Variants in SLC5A4 observed in about 807,000 individuals in gnomAD.
SLC5A4 encodes the protein probable glucose sensor protein SLC5A4.
A neutral mutation model predicts 70.3 loss-of-function variants in SLC5A4; 55 were observed. The ratio of observed to expected loss-of-function variants is 0.78; its 90% CI spans 0.63 to 0.98. The LOEUF (loss-of-function observed/expected upper bound fraction) is 0.98, where lower values mean the gene tolerates loss of function less well. Ranked by LOEUF, SLC5A4 falls within the 50% of genes least tolerant of loss-of-function variation. The probability of loss-of-function intolerance (pLI) is 0.00; values close to 1 mark genes in which losing one functional copy is unlikely to be tolerated. For synonymous variants in SLC5A4, 268 were observed against 305.7 expected, an observed-to-expected ratio of 0.88 and a Z score of 1.29; for missense variants, 735 against 839.2, an observed-to-expected ratio of 0.88 and a Z score of 1.53.
At chr22:32,344,336 C>T in the SLC5A4 span, among the ~76,000 whole-genome samples, 33 of 152,250 alleles carry the variant, frequency 2.2e-4, no homozygotes, top group Admixed American at 2.6e-4. Context: ...AGAATACATA[C>T]GCACATATAC....
At chr22:32,328,710 C>G in the SLC5A4 span, among the ~76,000 whole-genome samples, 7,878 of 152,298 alleles carry the variant, frequency 0.052, 339 homozygotes, top group African/African-American at 0.12. Context: ...TTACACCTTT[C>G]TGACTCACAG....
At chr22:32,248,909 C>T (rs1208178614) in intron 3 of SLC5A4, 107 bp from the exon 4 acceptor site, 16 of 732,716 alleles carry the variant, frequency 2.2e-5, no homozygotes, top group Non-Finnish European at 3.9e-5. Context: ...AAAGTTGGCT[C>T]AATCCTGTCC....
At chr22:32,301,398 TCTGC>T in the SLC5A4 span, among the ~76,000 whole-genome samples, 8 of 152,232 alleles carry the variant, frequency 5.3e-5, no homozygotes, top group Non-Finnish European at 1.0e-4. Context: ...TTAATATGCA[TCTGC>T]CTAATGATTA....
the SLC5A4 span, among the ~76,000 whole-genome samples, chr22:32,287,434 C>T: frequency 6.6e-6 from 1 of 151,160 alleles, no homozygotes; most frequent in Non-Finnish European, 1.5e-5. Flanking sequence ...AGAATTGTTA[C>T]CCCTACCTGT....
chr22:32,331,258 T>C, the SLC5A4 span, among the ~76,000 whole-genome samples: 1 of 151,456 alleles, frequency 6.6e-6, no homozygotes, highest in African/African-American at 2.4e-5. Flanking sequence ...CAAGGCACAT[T>C]GTAGGTGCTC....
chr22:32,353,786 C>T, the SLC5A4 span, among the ~76,000 whole-genome samples: 1 of 149,714 alleles, frequency 6.7e-6, no homozygotes, highest in Non-Finnish European at 1.5e-5. Flanking sequence ...GCCCCCAATC[C>T]GCTCCCTGCC....
the SLC5A4 span, among the ~76,000 whole-genome samples, chr22:32,319,043 C>T: frequency 6.6e-6 from 1 of 152,296 alleles, no homozygotes; most frequent in East Asian, 1.9e-4. Context: ...CTGCTGGAGA[C>T]CTAAACAGAA....
the SLC5A4 span, among the ~76,000 whole-genome samples, chr22:32,306,960 T>C: frequency 6.6e-6 from 1 of 152,196 alleles, no homozygotes; most frequent in Admixed American, 6.5e-5. Context: ...AGGGTGGCCA[T>C]GTCATCCATA....
the SLC5A4 span, chr22:32,270,629 C>T: frequency 1.4e-6 from 1 of 733,230 alleles, no homozygotes; most frequent in Non-Finnish European, 2.6e-6. Flanking sequence ...ACGGTCTTTG[C>T]CGAAAACATC....
the SLC5A4 span, chr22:32,271,678 G>C: frequency 1.7e-6 from 1 of 586,550 alleles, no homozygotes; most frequent in Non-Finnish European, 3.2e-6. Flanking sequence ...ACTGAGGGGT[G>C]CTGCGGCTGC....
chr22:32,224,055 G>C, intron 13 of SLC5A4, among the ~76,000 whole-genome samples: 1 of 152,018 alleles, frequency 6.6e-6, no homozygotes, highest in Non-Finnish European at 1.5e-5. Context: ...CGAGCAGCTG[G>C]GATTACAGGT....
In SLC5A4 at chr22:32,225,641, C is replaced by T. The variant is rs1925349353; in HGVS notation, c.1449+14G>A. On this transcript the variant is annotated intron_variant, in intron 12 of 14. Transcript: ENST00000266086. Reference sequence around the variant, plus strand: ...CACTCCAGCAGGGAAACTTTTTTTCCAGTTTTCACTCACCTGTTCATTGAC... The same window carrying T: ...CACTCCAGCAGGGAAACTTTTTTTCTAGTTTTCACTCACCTGTTCATTGAC... 1.3e-6 allele frequency: 2 copies of T among 1,562,330 alleles called. No individual in the cohort carries two copies. The highest frequency in any genetic ancestry group is 2.3e-5 in the East Asian group (1 of 43,734).
At chr22:32,221,704 G>C (rs1325198497) in intron 13 of SLC5A4, among the ~76,000 whole-genome samples, 2 of 151,994 alleles carry the variant, frequency 1.3e-5, no homozygotes, top group Non-Finnish European at 2.9e-5. Flanking sequence ...TCAGCCCTGG[G>C]TCATTCTAAG....
At chr22:32,326,857 G>A in the SLC5A4 span, among the ~76,000 whole-genome samples, 2 of 152,178 alleles carry the variant, frequency 1.3e-5, no homozygotes, top group Non-Finnish European at 2.9e-5. Flanking sequence ...GTGGCCACGG[G>A]AGCAGAGGTC....
the SLC5A4 span, among the ~76,000 whole-genome samples, chr22:32,353,538 C>A: frequency 6.8e-6 from 1 of 147,934 alleles, no homozygotes; most frequent in South Asian, 2.1e-4. Flanking sequence ...ACGAGGACCG[C>A]TCCTCTGACC....
At chr22:32,275,749 G>A in the SLC5A4 span, among the ~76,000 whole-genome samples, 1 of 152,122 alleles carries the variant, frequency 6.6e-6, no homozygotes. Flanking sequence ...GGGATTGCTG[G>A]GTCAAATGGA....
At chr22:32,345,084 C>A in the SLC5A4 span, among the ~76,000 whole-genome samples, 4 of 152,020 alleles carry the variant, frequency 2.6e-5, no homozygotes, top group African/African-American at 7.3e-5. Flanking sequence ...ACCACATTTT[C>A]AAGTTTAGAA....
the SLC5A4 span, among the ~76,000 whole-genome samples, chr22:32,283,858 C>T: frequency 6.6e-5 from 10 of 152,036 alleles, no homozygotes; most frequent in East Asian, 1.9e-3. Context: ...TATGCTGGCT[C>T]CAGCACACCC....
chr22:32,354,409 G>A, the SLC5A4 span, among the ~76,000 whole-genome samples: 1 of 150,218 alleles, frequency 6.7e-6, no homozygotes, highest in Non-Finnish European at 1.5e-5. Context: ...GTGCAGCTAT[G>A]GATAATGCCC....
Sources: allele counts gnomAD v4.1 joint callset (sites outside exome capture counted in the v4.1 genomes callset), GRCh38; gene constraint gnomAD v4.1.1; transcripts MANE v1.5; gene names NCBI Gene and HGNC (gene_info 2026-07-23, HGNC 2026-07-21).